Variants in RNGTT observed in about 807,000 individuals in gnomAD.
RNGTT encodes the protein mRNA-capping enzyme.
RNGTT carries 33 observed loss-of-function variants against 79.3 expected under a neutral mutation model. That is an observed-to-expected ratio of 0.42 (90% confidence interval 0.32 to 0.56). The LOEUF is 0.56. Among genes scored for constraint, RNGTT ranks in the 20% least tolerant of loss-of-function variants. The pLI is 0.17. For missense variants in RNGTT, 497 were observed against 739.1 expected (o/e 0.67, Z 3.80); for synonymous variants, 222 against 235.9 (o/e 0.94, Z 0.54).
At chr6:88,822,708 T>C (rs1780533855) in intron 11 of RNGTT, among the ~76,000 whole-genome samples, 1 of 152,204 alleles carries the variant, frequency 6.6e-6, no homozygotes, top group African/African-American at 2.4e-5. Context: ...CACATTATTT[T>C]ATCAGAAAGT....
chr6:88,883,239 A>G (rs1782750234), intron 8 of RNGTT, among the ~76,000 whole-genome samples: 1 of 151,992 alleles, frequency 6.6e-6, no homozygotes, highest in African/African-American at 2.4e-5. Flanking sequence ...GCACTATATA[A>G]AACAGTTGTA....
At chr6:88,742,925 C>T (rs777286395) in intron 13 of RNGTT, among the ~76,000 whole-genome samples, 2 of 152,126 alleles carry the variant, frequency 1.3e-5, no homozygotes, top group African/African-American at 4.8e-5. Context: ...CAGTTTAAGA[C>T]GTCACCTTTC....
chr6:88,914,748 G>T (rs1054278979), intron 4 of RNGTT, among the ~76,000 whole-genome samples: 2 of 151,780 alleles, frequency 1.3e-5, no homozygotes, highest in African/African-American at 4.8e-5. Context: ...TTATGTCTAA[G>T]TCCTCAAAAA....
At position 88,904,763 on chromosome 6, in the gene RNGTT, G is replaced by A. The variant is rs144619191; in HGVS notation, c.636C>T (p.Pro212=). ...TTTTGCCAAAAGAAGCACTTGACCC[G>A]GGTTCTGATTCCTTCTTTCCATCCT... is the stretch of plus-strand genomic sequence containing the variant. ...EDEDGKKESE[P]GSSASFGKRR... is the part of the protein sequence containing the mutation. The change falls in exon 6 of 16, where the codon CCC becomes CCT. Residue 212 remains proline (P), a synonymous_variant. Coordinates refer to ENST00000369485, the MANE Select transcript of RNGTT (RefSeq NM_003800.5). The A allele has an allele frequency of 2.9e-5, 46 of 1,613,700 alleles. No homozygotes were observed. Among genetic ancestry groups the A allele is most frequent in the South Asian group, 5.5e-5 (5 of 91,044 alleles).
At chr6:88,778,722 G>T (rs772769376) in intron 12 of RNGTT, among the ~76,000 whole-genome samples, 3 of 152,054 alleles carry the variant, frequency 2.0e-5, no homozygotes, top group African/African-American at 7.3e-5. Context: ...TACTTCAAAC[G>T]GAAGTCCATA....
intron 14 of RNGTT, among the ~76,000 whole-genome samples, chr6:88,628,363 T>G (rs754465190): frequency 1.3e-5 from 2 of 152,138 alleles, no homozygotes; most frequent in African/African-American, 2.4e-5. Flanking sequence ...CAGGAAACTT[T>G]AAAATCATCA....
Position 88,946,579 on chromosome 6 carries a change from G to A in RNGTT, c.65-5399C>T, listed in dbSNP as rs547768570. 6.2e-4 allele frequency among the ~76,000 whole-genome samples: 94 copies of A among 152,120 alleles called. 2 individuals carry two copies. Among genetic ancestry groups the A allele is most frequent in the African/African-American group, 2.2e-3 (92 of 41,488 alleles). On this transcript the variant is annotated intron_variant, in intron 1 of 15. Coordinates refer to ENST00000369485, the MANE Select transcript of RNGTT (RefSeq NM_003800.5). ...AGATATGCCAAAAGCTAGGCCTCTTGCACCAGTTAGCCAAGTTGTGAATGA... is the reference window on the plus strand; with the variant it reads ...AGATATGCCAAAAGCTAGGCCTCTTACACCAGTTAGCCAAGTTGTGAATGA...
In RNGTT at chr6:88,904,812, T is replaced by A; in HGVS notation, c.587A>T (p.Asp196Val). ...CTCATCCTCATCTTCGTCTTCATCA[T>A]CCTCAAAACACCAATCTGGCAATAG... is the stretch of plus-strand genomic sequence containing the variant. Reference protein sequence around the residue: ...PPLLPDWCFEDDEDEDEDEDG... With the variant: ...PPLLPDWCFEVDEDEDEDEDG... The change falls in exon 6 of 16, where the codon GAT becomes GTT. Residue 196 changes from aspartate (D) to valine (V), a missense_variant. By Grantham distance (152) the Asp-to-Val change is radical (BLOSUM62 -3). This residue lies in a region of RNGTT where 440 missense variants were observed against 671.5 expected (regional missense o/e 0.66). Coordinates refer to ENST00000369485, the MANE Select transcript of RNGTT (RefSeq NM_003800.5). The A allele has an allele frequency of 6.2e-7, 1 of 1,614,172 alleles. No homozygotes were observed. The highest frequency in any genetic ancestry group is 1.1e-5 in the South Asian group (1 of 91,080).
At chr6:88,899,525 G>A (rs557328007) in intron 6 of RNGTT, among the ~76,000 whole-genome samples, 8 of 151,972 alleles carry the variant, frequency 5.3e-5, no homozygotes, top group Non-Finnish European at 1.0e-4. Flanking sequence ...CAATCCTTCC[G>A]CCTCGGCCTC....
intron 2 of RNGTT, among the ~76,000 whole-genome samples, chr6:88,930,385 T>C (rs936815923): frequency 6.6e-6 from 1 of 151,724 alleles, no homozygotes; most frequent in African/African-American, 2.4e-5. Context: ...GTACGGGAAA[T>C]TTGGCCAGAC....
At chr6:88,707,261 G>A (rs1395157884) in intron 13 of RNGTT, among the ~76,000 whole-genome samples, 1 of 151,914 alleles carries the variant, frequency 6.6e-6, no homozygotes, top group Admixed American at 6.6e-5. Context: ...AAGTCCAAAA[G>A]ATTCCACTGT....
intron 1 of RNGTT, among the ~76,000 whole-genome samples, chr6:88,957,852 T>C (rs1785485600): frequency 6.6e-6 from 1 of 152,180 alleles, no homozygotes; most frequent in South Asian, 2.1e-4. Flanking sequence ...AGTACCATCA[T>C]CATTCTTCAC....
At chr6:88,882,961 G>A (rs148912146) in intron 8 of RNGTT, among the ~76,000 whole-genome samples, 16 of 152,172 alleles carry the variant, frequency 1.1e-4, no homozygotes, top group East Asian at 1.9e-4. Context: ...TGCTATAGCC[G>A]CACAAATGAA....
intron 8 of RNGTT, among the ~76,000 whole-genome samples, chr6:88,885,618 G>A (rs774557134): frequency 6.6e-5 from 10 of 152,250 alleles, no homozygotes; most frequent in Non-Finnish European, 1.0e-4. Flanking sequence ...AAATAATGGC[G>A]AAAAGTATAA....
Position 88,610,943 on chromosome 6 carries a change from T to C in RNGTT, c.*1776A>G, listed in dbSNP as rs1346466106. On this transcript the variant is annotated 3_prime_UTR_variant, in exon 16 of 16. Coordinates refer to ENST00000369485, the MANE Select transcript of RNGTT (RefSeq NM_003800.5). ...AGGCATCAGACTATTTGAAGTTGCA[T>C]AGGCATTTTTTTTTTAATCCATTTT... 6 of 151,930 alleles carry C rather than the reference T, an allele frequency of 3.9e-5. No individual in the cohort carries two copies. The highest frequency in any genetic ancestry group is 2.1e-4 in the South Asian group (1 of 4,834). 9.4% of individuals were successfully genotyped at this position (151,930 alleles called of 1,614,324 possible). A position where few individuals can be genotyped will look rare whatever the true frequency, so the allele number is the denominator to read the frequency against.
intron 12 of RNGTT, among the ~76,000 whole-genome samples, chr6:88,790,970 T>C (rs1779386795): frequency 6.6e-6 from 1 of 152,144 alleles, no homozygotes; most frequent in Non-Finnish European, 1.5e-5. Flanking sequence ...GGAAACGTCT[T>C]ATTAAGCTAT....
chr6:88,703,760 G>A (rs1360615918), intron 13 of RNGTT, among the ~76,000 whole-genome samples: 1 of 152,174 alleles, frequency 6.6e-6, no homozygotes, highest in Admixed American at 6.5e-5. Context: ...TCCAGGGGAA[G>A]CTGATGAACC....
chr6:88,868,903 T>A (rs903154897), intron 8 of RNGTT, among the ~76,000 whole-genome samples: 1 of 152,090 alleles, frequency 6.6e-6, no homozygotes, highest in Non-Finnish European at 1.5e-5. Context: ...CAGAAAAAAA[T>A]TTTACTGAAA....
intron 11 of RNGTT, among the ~76,000 whole-genome samples, chr6:88,842,780 T>C (rs889704966): frequency 5.9e-5 from 9 of 151,936 alleles, no homozygotes; most frequent in African/African-American, 2.2e-4. Context: ...TACATAAAAA[T>C]GAACTTTTCA....
Sources: allele counts gnomAD v4.1 joint callset (sites outside exome capture counted in the v4.1 genomes callset), GRCh38; gene constraint gnomAD v4.1.1; regional missense constraint gnomAD v4.1.1; transcripts MANE v1.5; gene names NCBI Gene and HGNC (gene_info 2026-07-23, HGNC 2026-07-21).